The following NUS1 variants were observed in gnomAD, a reference collection of about 807,000 sequenced individuals.
NUS1 encodes dehydrodolichyl diphosphate synthase complex subunit NUS1.
For missense variants in NUS1, 292 were observed against 382.9 expected, an observed-to-expected ratio of 0.76 and a Z score of 1.98; for synonymous variants, 135 against 155.2, an observed-to-expected ratio of 0.87 and a Z score of 0.97.
In NUS1 at chr6:117,682,958, A is replaced by G. The variant is rs963895792; in HGVS notation, c.415+6873A>G. 1.6e-4 allele frequency among the ~76,000 whole-genome samples: 24 copies of G among 152,238 alleles called. 1 individual carries two copies. Among genetic ancestry groups the G allele is most frequent in the Admixed American group, 1.2e-3 (19 of 15,292 alleles). On this transcript the variant is annotated intron_variant, in intron 1 of 4. Transcript: ENST00000368494. ...TATTTGTAAAAGATATTTAAAGACT[A>G]ATAGAGATTTCTTCATCCCACTAGT...
chr6:117,686,757 T>G (rs543103399), intron 1 of NUS1, among the ~76,000 whole-genome samples: 4 of 152,250 alleles, frequency 2.6e-5, no homozygotes, highest in African/African-American at 9.6e-5. Context: ...AGAAAAAGAA[T>G]CTGTACATAT....
intron 1 of NUS1, among the ~76,000 whole-genome samples, chr6:117,686,126 T>G (rs963248632): frequency 6.7e-6 from 1 of 150,238 alleles, no homozygotes; most frequent in Non-Finnish European, 1.5e-5. Flanking sequence ...CCGGGCGTGG[T>G]GGTGGGCGCC....
intron 3 of NUS1, among the ~76,000 whole-genome samples, chr6:117,698,761 GA>G (rs1228381868): frequency 6.6e-6 from 1 of 152,126 alleles, no homozygotes; most frequent in East Asian, 1.9e-4. Flanking sequence ...TGTTCATGAA[GA>G]AATCCTCCAC....
At chr6:117,686,169 G>A (rs1250266227) in intron 1 of NUS1, among the ~76,000 whole-genome samples, 1 of 145,882 alleles carries the variant, frequency 6.9e-6, no homozygotes, top group African/African-American at 2.5e-5. Flanking sequence ...GCTGAGGCAG[G>A]AGAATGGCGT....
At chr6:117,679,899 G>A (rs1418590860) in intron 1 of NUS1, among the ~76,000 whole-genome samples, 1 of 152,204 alleles carries the variant, frequency 6.6e-6, no homozygotes, top group Non-Finnish European at 1.5e-5. Context: ...AATGGCTTGT[G>A]TAGAAAGGTT....
intron 3 of NUS1, among the ~76,000 whole-genome samples, chr6:117,694,585 A>G (rs1351430332): frequency 6.6e-6 from 1 of 152,058 alleles, no homozygotes. Flanking sequence ...TACTGTTACC[A>G]TGATTCCTTT....
intron 2 of NUS1, 100 bp from the exon 3 acceptor site, chr6:117,693,931 G>A: frequency 7.7e-7 from 1 of 1,297,466 alleles, no homozygotes; most frequent in Non-Finnish European, 1.0e-6. Flanking sequence ...TGTAAGAACT[G>A]TATGTTTATT....
chr6:117,691,401 G>GT (rs1343323395), intron 1 of NUS1, among the ~76,000 whole-genome samples: 2 of 151,364 alleles, frequency 1.3e-5, no homozygotes, highest in African/African-American at 2.4e-5. Flanking sequence ...ATCTTCTCTA[G>GT]TTTTTTCTGG....
At position 117,689,008 on chromosome 6, in the gene NUS1, C is replaced by T. The variant is rs572599943; in HGVS notation, c.416-4034C>T. On this transcript the variant is annotated intron_variant, in intron 1 of 4. Transcript: ENST00000368494. ...CATGGACAGAAAGAGAGGGCTGAGA[C>T]GGGAACCCTGAGGAATAATCTTTAT... Among the ~76,000 whole-genome samples the T allele has an allele frequency of 5.5e-4, 84 of 152,060 alleles. 1 individual carries two copies. The South Asian group carries it at 6.4e-3, about 12-fold the overall frequency.
chr6:117,702,187 A>G (rs777426854), intron 3 of NUS1, among the ~76,000 whole-genome samples: 31 of 152,210 alleles, frequency 2.0e-4, no homozygotes, highest in Non-Finnish European at 4.0e-4. Context: ...CTACAACCTC[A>G]GGCAAGTAAA....
intron 3 of NUS1, among the ~76,000 whole-genome samples, chr6:117,700,935 T>G (rs1414734605): frequency 6.6e-6 from 1 of 150,884 alleles, no homozygotes. Context: ...GAGTAGAGGA[T>G]GGTTGCTAGA....
chr6:117,691,897 C>T (rs577755275), intron 1 of NUS1, among the ~76,000 whole-genome samples: 3 of 151,810 alleles, frequency 2.0e-5, no homozygotes, highest in African/African-American at 7.2e-5. Context: ...TTAATGTCAA[C>T]ATCTTTAATC....
Position 117,709,739 on chromosome 6 carries a change from A to G in NUS1, c.*2724A>G, listed in dbSNP as rs1773550137. On this transcript the variant is annotated 3_prime_UTR_variant, in exon 5 of 5. Coordinates refer to ENST00000368494, the MANE Select transcript of NUS1 (RefSeq NM_138459.5). ...CCAGTTTTTATGATTAAGGAATCAA[A>G]TTTATTGAATTTTATTATTGAAAGT... The G allele has an allele frequency of 6.6e-6, 1 of 152,586 alleles. No individual in the cohort carries two copies. The highest frequency in any genetic ancestry group is 1.5e-5 in the Non-Finnish European group (1 of 67,982). 9.5% of individuals were successfully genotyped at this position (152,586 alleles called of 1,614,324 possible). A position where few individuals can be genotyped will look rare whatever the true frequency, so the allele number is the denominator to read the frequency against.
At chr6:117,679,605 T>A (rs2114677447) in intron 1 of NUS1, among the ~76,000 whole-genome samples, 1 of 152,310 alleles carries the variant, frequency 6.6e-6, no homozygotes, top group South Asian at 2.1e-4. Context: ...CAAAGGTTTC[T>A]CCTTATGTCT....
At chr6:117,705,356 G>C (rs1453730392) in intron 4 of NUS1, among the ~76,000 whole-genome samples, 1 of 152,158 alleles carries the variant, frequency 6.6e-6, no homozygotes, top group Non-Finnish European at 1.5e-5. Context: ...GAAGGATTTT[G>C]GTTTGAATCT....
intron 1 of NUS1, among the ~76,000 whole-genome samples, chr6:117,691,552 G>GATAGATATAT (rs1258674063): frequency 8.2e-3 from 308 of 37,494 alleles, no homozygotes; most frequent in African/African-American, 0.019. Flanking sequence ...CTGTGCCATA[G>GATAGATATAT]ATATAGATAT....
At chr6:117,698,856 A>T (rs1336044832) in intron 3 of NUS1, among the ~76,000 whole-genome samples, 3 of 152,180 alleles carry the variant, frequency 2.0e-5, no homozygotes, top group Admixed American at 2.0e-4. Context: ...AGGATGGTTG[A>T]ACATACACAA....
chr6:117,688,786 T>G (rs1773176541), intron 1 of NUS1, among the ~76,000 whole-genome samples: 1 of 152,192 alleles, frequency 6.6e-6, no homozygotes, highest in South Asian at 2.1e-4. Flanking sequence ...TACTTAAAAT[T>G]TTAATGTTTT....
rs1441480909 is a variant in NUS1 at position 117,707,811 on chromosome 6, G to C, written c.*796G>C. On this transcript the variant is annotated 3_prime_UTR_variant, in exon 5 of 5. Transcript: ENST00000368494. ...TGCAGACTTAAAAATTTAAACATTG[G>C]ATTAGGCAGTCAAAAAAACCAAGCA... 6.6e-6 allele frequency: 1 copy of C among 152,502 alleles called. No individual in the cohort carries two copies. The highest frequency in any genetic ancestry group is 2.4e-5 in the African/African-American group (1 of 41,402). The allele number at this position is 152,502 out of a possible 1,614,324, so 9.4% of individuals were successfully genotyped here.
Sources: gnomAD v4.1 joint callset for allele counts (sites outside exome capture counted in the v4.1 genomes callset) on GRCh38, gnomAD v4.1.1 for gene constraint, MANE v1.5 for transcripts, NCBI Gene and HGNC (gene_info 2026-07-23, HGNC 2026-07-21) for gene names.